CDH13: variants seen among roughly 807,000 people sequenced by gnomAD.
CDH13 encodes cadherin 13, also known as cadherin-13.
CDH13 carries 24 observed loss-of-function variants against 63.8 expected under a neutral mutation model. That is an observed-to-expected ratio of 0.38 (90% confidence interval 0.27 to 0.53). CDH13 has a LOEUF of 0.53. Among genes scored for constraint, CDH13 ranks in the 20% least tolerant of loss-of-function variants. CDH13 has a pLI of 0.85. For synonymous variants in CDH13, 503 were observed against 355.3 expected, an observed-to-expected ratio of 1.42 and a Z score of -4.67; for missense variants, 1,049 against 903.1, an observed-to-expected ratio of 1.16 and a Z score of -2.07.
At chr16:83,168,324 T>C (rs1214512068) in intron 4 of CDH13, among the ~76,000 whole-genome samples, 1 of 152,066 alleles carries the variant, frequency 6.6e-6, no homozygotes, top group Non-Finnish European at 1.5e-5. Context: ...TTATATAATA[T>C]AGATATTTAC....
intron 6 of CDH13, among the ~76,000 whole-genome samples, chr16:83,350,467 C>A (rs1361024974): frequency 6.6e-6 from 1 of 152,256 alleles, no homozygotes; most frequent in Non-Finnish European, 1.5e-5. Flanking sequence ...CTGTTGAAGA[C>A]AAGCAGAGAT....
chr16:83,143,940 TGAGAC>T (rs2036640124), intron 4 of CDH13, among the ~76,000 whole-genome samples: 1 of 152,156 alleles, frequency 6.6e-6, no homozygotes, highest in Admixed American at 6.5e-5. Flanking sequence ...ATCAACATAG[TGAGAC>T]GAGACAGAAG....
chr16:82,899,911 G>C (rs946756606), intron 2 of CDH13, among the ~76,000 whole-genome samples: 4 of 152,156 alleles, frequency 2.6e-5, no homozygotes, highest in African/African-American at 9.7e-5. Context: ...GTGAGCATGT[G>C]CAAGTGATTA....
chr16:82,705,544 G>A (rs1452150039), intron 1 of CDH13, among the ~76,000 whole-genome samples: 2 of 152,132 alleles, frequency 1.3e-5, no homozygotes, highest in South Asian at 2.1e-4. Flanking sequence ...GGAATTTCAT[G>A]GGGCTGGTGA....
chr16:83,334,393 A>ACACACT (rs1227547998), intron 5 of CDH13, among the ~76,000 whole-genome samples: 1 of 141,478 alleles, frequency 7.1e-6, no homozygotes, highest in Non-Finnish European at 1.5e-5. Flanking sequence ...ACACACACAC[A>ACACACT]CAGAATCTCC....
At chr16:83,369,670 C>G (rs118186822) in intron 6 of CDH13, among the ~76,000 whole-genome samples, 1,877 of 152,234 alleles carry the variant, frequency 0.012, 19 homozygotes, top group East Asian at 0.053. Context: ...AGTGATCCTA[C>G]CACCTCAGCC....
chr16:83,152,792 G>A (rs2037041773), intron 4 of CDH13, among the ~76,000 whole-genome samples: 1 of 152,204 alleles, frequency 6.6e-6, no homozygotes, highest in African/African-American at 2.4e-5. Context: ...AAATAGGGTT[G>A]TGGCAGATAT....
At chr16:83,018,222 T>G (rs930182447) in intron 2 of CDH13, among the ~76,000 whole-genome samples, 2 of 152,126 alleles carry the variant, frequency 1.3e-5, no homozygotes. Context: ...TTATGGGGAT[T>G]GGAGTGAAAT....
intron 1 of CDH13, among the ~76,000 whole-genome samples, chr16:82,806,344 A>C (rs1344872942): frequency 2.6e-5 from 4 of 152,214 alleles, no homozygotes; most frequent in Non-Finnish European, 4.4e-5. Flanking sequence ...CCTGGACCAC[A>C]GTCCATTCTT....
At chr16:82,823,221 C>G (rs1412922131) in intron 1 of CDH13, 1 of 152,246 alleles carries the variant, frequency 6.6e-6, no homozygotes, top group Non-Finnish European at 1.5e-5. Flanking sequence ...GATAATAAGG[C>G]CCACCCAGGT....
At chr16:83,480,895 A>T (rs1403782437) in intron 6 of CDH13, among the ~76,000 whole-genome samples, 2 of 152,172 alleles carry the variant, frequency 1.3e-5, no homozygotes, top group African/African-American at 4.8e-5. Flanking sequence ...CTGGCTAAGC[A>T]CCCTAAGCTG....
intron 3 of CDH13, among the ~76,000 whole-genome samples, chr16:83,092,888 A>C (rs1355757314): frequency 1.3e-5 from 2 of 152,232 alleles, no homozygotes; most frequent in East Asian, 3.9e-4. Context: ...AAAGTTCTGC[A>C]GCACTGTTTC....
chr16:83,195,772 A>G (rs1172820165), intron 4 of CDH13, among the ~76,000 whole-genome samples: 2 of 152,192 alleles, frequency 1.3e-5, no homozygotes, highest in Non-Finnish European at 2.9e-5. Flanking sequence ...GGAGAGATAC[A>G]TGGATCAGTG....
chr16:82,821,648 T>A (rs1436555044), intron 1 of CDH13, among the ~76,000 whole-genome samples: 2 of 152,232 alleles, frequency 1.3e-5, no homozygotes, highest in Non-Finnish European at 2.9e-5. Context: ...ATGTCTCAAC[T>A]ACAAACATGA....
intron 10 of CDH13, among the ~76,000 whole-genome samples, chr16:83,695,033 C>A (rs1028480583): frequency 1.3e-5 from 2 of 152,000 alleles, no homozygotes; most frequent in Non-Finnish European, 2.9e-5. Context: ...ATGATGAAAC[C>A]CCGTCTCTAT....
intron 5 of CDH13, among the ~76,000 whole-genome samples, chr16:83,305,797 A>G (rs1044640792): frequency 2.0e-5 from 3 of 152,178 alleles, no homozygotes; most frequent in African/African-American, 7.2e-5. Context: ...TATACTGTAA[A>G]GCTACCTAGT....
chr16:82,714,372 A>C (rs963531345), intron 1 of CDH13, among the ~76,000 whole-genome samples: 2 of 152,118 alleles, frequency 1.3e-5, no homozygotes, highest in African/African-American at 4.8e-5. Flanking sequence ...AATAAAAATG[A>C]GGTCATTTTG....
intron 7 of CDH13, among the ~76,000 whole-genome samples, chr16:83,567,988 T>G (rs1904300521): frequency 6.6e-6 from 1 of 152,158 alleles, no homozygotes; most frequent in South Asian, 2.1e-4. Context: ...CCACATTCAC[T>G]TGGGGAATCA....
At chr16:82,885,510 T>C (rs147720467) in intron 2 of CDH13, among the ~76,000 whole-genome samples, 1,562 of 140,558 alleles carry the variant, frequency 0.011, 24 homozygotes, top group African/African-American at 0.037. Context: ...CACCCATCCA[T>C]CTATCCATTC....
Sources: allele counts gnomAD v4.1 joint callset (sites outside exome capture counted in the v4.1 genomes callset), GRCh38; gene constraint gnomAD v4.1.1; transcripts MANE v1.5; gene names NCBI Gene and HGNC (gene_info 2026-07-23, HGNC 2026-07-21).